Variants in CELF1 observed in about 807,000 individuals in gnomAD.
The protein encoded by CELF1 is CUGBP Elav-like family member 1.
A neutral mutation model predicts 61.8 loss-of-function variants in CELF1; 10 were observed. The observed-to-expected ratio is 0.16, with a 90% confidence interval of 0.10 to 0.27. The LOEUF is 0.27. Among genes scored for constraint, CELF1 ranks in the 10% least tolerant of loss-of-function variants. The pLI is 1.00. For missense variants in CELF1, 380 were observed against 639.1 expected (o/e 0.59, Z 4.37); for synonymous variants, 236 against 225.1 (o/e 1.05, Z -0.43).
chr11:47,533,839 TTATAAC>T, intron 1 of CELF1, among the ~76,000 whole-genome samples: 1 of 149,802 alleles, frequency 6.7e-6, no homozygotes, highest in African/African-American at 2.4e-5. Context: ...AAAGGAATAT[TTATAAC>T]TATTTTAGTG....
At chr11:47,558,579 AT>A (rs1360780215) in intron 2 of CELF1, among the ~76,000 whole-genome samples, 29 of 110,818 alleles carry the variant, frequency 2.6e-4, no homozygotes, top group African/African-American at 8.9e-4. Context: ...ATATAAATAT[AT>A]ATATATATTT....
At chr11:47,484,665 T>A in intron 6 of CELF1, 142 bp from the exon 7 acceptor site, 1 of 662,548 alleles carries the variant, frequency 1.5e-6, no homozygotes, top group South Asian at 2.3e-5. Context: ...TTGTTTTTTG[T>A]ATTTTTCACA....
In CELF1 at chr11:47,499,590, C is replaced by T; in HGVS notation, c.-67G>A. 1 of 1,309,996 alleles carries T rather than the reference C, an allele frequency of 7.6e-7. No homozygotes were observed. Among genetic ancestry groups the T allele is most frequent in the Non-Finnish European group, 1.1e-6 (1 of 942,044 alleles). The allele number at this position is 1,309,996 out of a possible 1,614,324, so 81.1% of individuals were successfully genotyped here. A position where few individuals can be genotyped will look rare whatever the true frequency, so the allele number is the denominator to read the frequency against. ...TGCACTTGTCTGATCCACAAATACA[C>T]ACAGCTTTAGCTTCCTGGGCCCCAC... On this transcript the variant is annotated 5_prime_UTR_variant, in exon 3 of 15. The change creates a new upstream start codon in the 5' untranslated region. Coordinates refer to ENST00000687097, the MANE Select transcript of CELF1 (RefSeq NM_001376376.1).
rs1187130437 is a variant in CELF1, at chr11:47,470,060, A to C, written c.*2170T>G. The C allele has an allele frequency of 1.3e-5, 2 of 152,236 alleles. No individual in the cohort carries two copies. The highest frequency in any genetic ancestry group is 2.9e-5 in the Non-Finnish European group (2 of 68,062). The allele number at this position is 152,236 out of a possible 1,614,324, so 9.4% of individuals were successfully genotyped here. ...CCCTTGGGCAGGTTAGCTGGGCTGCAAACGGGCCACAGAAAGTCAGTAGTT... is the reference window on the plus strand; with the variant it reads ...CCCTTGGGCAGGTTAGCTGGGCTGCCAACGGGCCACAGAAAGTCAGTAGTT... On this transcript the variant is annotated 3_prime_UTR_variant, in exon 15 of 15. Coordinates refer to ENST00000687097, the MANE Select transcript of CELF1 (RefSeq NM_001376376.1).
At chr11:47,519,729 C>T (rs1045459976) in intron 1 of CELF1, among the ~76,000 whole-genome samples, 1 of 151,612 alleles carries the variant, frequency 6.6e-6, no homozygotes, top group African/African-American at 2.4e-5. Flanking sequence ...TGGGCGTGGT[C>T]GTGGGCGCCT....
At position 47,467,656 on chromosome 11, in the gene CELF1, T is replaced by A. The variant is rs1311814018; in HGVS notation, c.*4574A>T. ...CTGCCCCTAATGTGCTAAATAAGCC[T>A]CTTACCCACCTGCTGCCACCTTCTA... On this transcript the variant is annotated 3_prime_UTR_variant, in exon 15 of 15. Coordinates refer to ENST00000687097, the MANE Select transcript of CELF1 (RefSeq NM_001376376.1). 1 of 152,278 alleles carries A rather than the reference T, an allele frequency of 6.6e-6. No individual in the cohort carries two copies. The highest frequency in any genetic ancestry group is 1.5e-5 in the Non-Finnish European group (1 of 68,140). The allele number at this position is 152,278 out of a possible 1,614,324, so 9.4% of individuals were successfully genotyped here. A position where few individuals can be genotyped will look rare whatever the true frequency, so the allele number is the denominator to read the frequency against.
intron 1 of CELF1, among the ~76,000 whole-genome samples, chr11:47,538,718 G>A (rs2096699264): frequency 6.6e-6 from 1 of 151,646 alleles, no homozygotes; most frequent in East Asian, 1.9e-4. Context: ...AGTATTACAG[G>A]GAATGTTTAC....
intron 6 of CELF1, among the ~76,000 whole-genome samples, chr11:47,486,376 T>G (rs1205933918): frequency 6.6e-6 from 1 of 151,744 alleles, no homozygotes; most frequent in Non-Finnish European, 1.5e-5. Context: ...ACAATTCAAT[T>G]CAGATAACCT....
rs776368969 is a variant in CELF1, at chr11:47,475,357, C to T, written c.1252G>A (p.Ala418Thr). ...QNLLTQQSIG[A>T]AGSQKEGPEG... is the part of the protein sequence containing the mutation. ...TCACCTTCCTTCTGGCTTCCAGCAG[C>T]ACCAATACTCTGCTGTGTCAGAAGA... The change falls in exon 13 of 15, where the codon GCT (alanine) becomes ACT (threonine). Residue 418 changes from alanine (A) to threonine (T), a missense_variant. Ala to Thr is a moderately conservative substitution (Grantham distance 58, BLOSUM62 0). Transcript: ENST00000687097. 1.2e-6 allele frequency: 2 copies of T among 1,613,852 alleles called. No homozygotes were observed. Among genetic ancestry groups the T allele is most frequent in the Non-Finnish European group, 1.7e-6 (2 of 1,180,010 alleles).
chr11:47,474,337 CCT>C (rs1245219992), intron 13 of CELF1, among the ~76,000 whole-genome samples: 3 of 152,134 alleles, frequency 2.0e-5, no homozygotes, highest in Non-Finnish European at 4.4e-5. Context: ...TTCCTATGCC[CCT>C]GTTACTCTTC....
rs2089461486 is a variant in CELF1 at position 47,489,004 on chromosome 11, G to A, written c.92C>T (p.Thr31Ile). The A allele has an allele frequency of 3.1e-6, 5 of 1,589,072 alleles. No individual in the cohort carries two copies. In the Middle Eastern group the frequency reaches 5.1e-4, roughly 161 times the overall value. Residue 31 changes from threonine (T) to isoleucine (I), a missense_variant, in exon 4 of 15, where the codon ACC (threonine) becomes ATC (isoleucine). Physicochemically the swap from Thr to Ile is moderately conservative, Grantham distance 89. Coordinates refer to ENST00000687097, the MANE Select transcript of CELF1 (RefSeq NM_001376376.1). Reference protein sequence around the residue: ...SSPVSKKMNGTLDHPDQPDLD... With the variant: ...SSPVSKKMNGILDHPDQPDLD... ...ATCTGGTTGGTCTGGGTGGTCCAGG[G>A]TGCCGTTCATTTTCTTTGAGCTGTG...
chr11:47,559,376 T>G (rs1374537890), intron 2 of CELF1, among the ~76,000 whole-genome samples: 1 of 151,660 alleles, frequency 6.6e-6, no homozygotes, highest in Admixed American at 6.6e-5. Flanking sequence ...TTTTTTTTTT[T>G]GTGAGACAAG....
At chr11:47,539,333 C>G (rs985422533) in intron 1 of CELF1, among the ~76,000 whole-genome samples, 4 of 152,104 alleles carry the variant, frequency 2.6e-5, no homozygotes, top group Non-Finnish European at 5.9e-5. Context: ...TTGCCTGGGG[C>G]TAAGGAGGGT....
At chr11:47,533,883 A>G (rs1460889612) in intron 1 of CELF1, among the ~76,000 whole-genome samples, 2 of 151,196 alleles carry the variant, frequency 1.3e-5, no homozygotes, top group Non-Finnish European at 2.9e-5. Context: ...AGTTAAATAT[A>G]TTCAACTCTT....
chr11:47,517,220 T>C (rs2153633983), intron 1 of CELF1, among the ~76,000 whole-genome samples: 1 of 138,336 alleles, frequency 7.2e-6, no homozygotes, highest in Non-Finnish European at 1.5e-5. Flanking sequence ...CACTCCAGCC[T>C]GGACAACTGA....
chr11:47,495,551 A>T (rs901349888), intron 3 of CELF1, among the ~76,000 whole-genome samples: 4 of 152,238 alleles, frequency 2.6e-5, no homozygotes, highest in Non-Finnish European at 5.9e-5. Context: ...ACTTTATAGT[A>T]TGTGAATTAT....
At chr11:47,549,520 C>T (rs997274336) in intron 1 of CELF1, among the ~76,000 whole-genome samples, 1 of 152,098 alleles carries the variant, frequency 6.6e-6, no homozygotes, top group Non-Finnish European at 1.5e-5. Flanking sequence ...TCACACAGTA[C>T]AACATGGATG....
intron 3 of CELF1, among the ~76,000 whole-genome samples, chr11:47,495,730 G>A (rs1217214958): frequency 6.6e-6 from 1 of 152,140 alleles, no homozygotes; most frequent in East Asian, 1.9e-4. Context: ...CTCCTGATTA[G>A]ATTACAGTTC....
At chr11:47,542,479 T>C (rs1181997496) in intron 1 of CELF1, among the ~76,000 whole-genome samples, 2 of 151,978 alleles carry the variant, frequency 1.3e-5, no homozygotes, top group African/African-American at 2.4e-5. Flanking sequence ...AACCTCATCA[T>C]TCTTGATACT....
Sources: gnomAD v4.1 joint callset for allele counts (sites outside exome capture counted in the v4.1 genomes callset) on GRCh38, gnomAD v4.1.1 for gene constraint, MANE v1.5 for transcripts, NCBI Gene and HGNC (gene_info 2026-07-23, HGNC 2026-07-21) for gene names.